Variants in RBFOX2 observed in about 807,000 individuals in gnomAD.
RBFOX2 encodes the protein RNA binding protein fox-1 homolog 2.
Under a neutral mutation model 49.1 loss-of-function variants are expected in RBFOX2, and 10 were observed. The observed-to-expected ratio is 0.20, with a 90% confidence interval of 0.13 to 0.35. The LOEUF is 0.35. Ranked by LOEUF, RBFOX2 falls within the 10% of genes least tolerant of loss-of-function variation. The pLI, the probability that RBFOX2 is intolerant of heterozygous loss-of-function variation, is 1.00. For missense variants in RBFOX2, 323 were observed against 486.9 expected (o/e 0.66, Z 3.17); for synonymous variants, 183 against 187.4 (o/e 0.98, Z 0.19).
At chr22:35,811,335 G>A (rs1951827397) in intron 1 of RBFOX2, among the ~76,000 whole-genome samples, 1 of 152,086 alleles carries the variant, frequency 6.6e-6, no homozygotes, top group African/African-American at 2.4e-5. Flanking sequence ...CTTTAAAAAG[G>A]TAATTAAAGT....
chr22:35,935,021 A>G (rs898423844), intron 1 of RBFOX2, among the ~76,000 whole-genome samples: 3 of 152,072 alleles, frequency 2.0e-5, no homozygotes, highest in Non-Finnish European at 4.4e-5. Flanking sequence ...CACAGCCTCA[A>G]TCTCCCAGGT....
intron 1 of RBFOX2, among the ~76,000 whole-genome samples, chr22:35,906,995 T>C (rs1233129720): frequency 6.6e-6 from 1 of 152,186 alleles, no homozygotes; most frequent in Non-Finnish European, 1.5e-5. Flanking sequence ...TAAAAGTATA[T>C]ACATTTCAAG....
intron 6 of RBFOX2, among the ~76,000 whole-genome samples, chr22:35,764,091 G>A (rs1939974255): frequency 6.6e-6 from 1 of 152,146 alleles, no homozygotes; most frequent in African/African-American, 2.4e-5. Flanking sequence ...TAAAGTGGGA[G>A]GCAGTGGTAT....
chr22:35,971,319 A>G lies in RBFOX2; in HGVS notation c.187-32422T>C, dbSNP rs117330094. Among the ~76,000 whole-genome samples the G allele has an allele frequency of 3.0e-3, 462 of 152,322 alleles. 22 individuals are homozygous for G. In the East Asian group the frequency reaches 0.077, roughly 25 times the overall value. ...TTTACAATGTAAATAAACCATCCCC[A>G]TGCAATGTTATATTTTGAACCATTC... On this transcript the variant is annotated intron_variant, in intron 1 of 13. Transcript: ENST00000438146.
chr22:35,746,018 G>C, intron 10 of RBFOX2, 23 bp from the exon 13 acceptor site: 2 of 1,584,186 alleles, frequency 1.3e-6, no homozygotes, highest in Non-Finnish European at 1.7e-6. Context: ...AACACAATCA[G>C]ACAGATAAAG....
intron 2 of RBFOX2, among the ~76,000 whole-genome samples, chr22:35,799,726 T>G (rs532528664): frequency 6.6e-6 from 1 of 152,056 alleles, no homozygotes; most frequent in Non-Finnish European, 1.5e-5. Flanking sequence ...GGTGGGAGAA[T>G]TGCTTGAGCC....
chr22:35,911,796 G>A (rs1380054908), intron 1 of RBFOX2, among the ~76,000 whole-genome samples: 2 of 151,996 alleles, frequency 1.3e-5, no homozygotes, highest in East Asian at 3.9e-4. Context: ...TTCACTAGCA[G>A]TGGCATGACC....
intron 1 of RBFOX2, among the ~76,000 whole-genome samples, chr22:35,887,394 T>G (rs2149341518): frequency 6.6e-6 from 1 of 152,270 alleles, no homozygotes; most frequent in Non-Finnish European, 1.5e-5. Flanking sequence ...CTGGAGGTCA[T>G]GGGCTATTCT....
intron 1 of RBFOX2, among the ~76,000 whole-genome samples, chr22:35,971,047 T>C (rs2056842822): frequency 6.6e-6 from 1 of 151,950 alleles, no homozygotes; most frequent in Admixed American, 6.6e-5. Context: ...AAAAGAACAA[T>C]TCATAGTGCC....
chr22:35,814,478 G>A (rs1399186013), intron 1 of RBFOX2, among the ~76,000 whole-genome samples: 1 of 151,956 alleles, frequency 6.6e-6, no homozygotes, highest in African/African-American at 2.4e-5. Context: ...GGAGGCTGAG[G>A]AGGGAGGATC....
At chr22:35,945,344 T>TA (rs1401840106) in intron 1 of RBFOX2, among the ~76,000 whole-genome samples, 1 of 152,002 alleles carries the variant, frequency 6.6e-6, no homozygotes, top group Non-Finnish European at 1.5e-5. Context: ...AATTGGGACA[T>TA]AAAAGGAATG....
At chr22:35,892,109 T>C (rs2047315092) in intron 1 of RBFOX2, among the ~76,000 whole-genome samples, 1 of 152,226 alleles carries the variant, frequency 6.6e-6, no homozygotes, top group Admixed American at 6.5e-5. Context: ...GTACTAGTTA[T>C]TTACTGAGCA....
At chr22:36,010,689 A>T (rs561150854) in intron 1 of RBFOX2, among the ~76,000 whole-genome samples, 22 of 151,652 alleles carry the variant, frequency 1.5e-4, no homozygotes, top group African/African-American at 5.3e-4. Context: ...TAAGTTTGAT[A>T]TCATTAACTC....
intron 1 of RBFOX2, among the ~76,000 whole-genome samples, chr22:35,918,872 T>C (rs1394770864): frequency 6.6e-6 from 1 of 152,220 alleles, no homozygotes; most frequent in Non-Finnish European, 1.5e-5. Context: ...CTGATAGCCT[T>C]GGTTTTCATA....
At chr22:35,994,080 C>T (rs977886512) in intron 1 of RBFOX2, 1 of 152,020 alleles carries the variant, frequency 6.6e-6, no homozygotes, top group Non-Finnish European at 1.5e-5. Context: ...ATTGTAGTAA[C>T]TTCCCCTTCT....
chr22:35,742,936 T>C (rs573832868), exon 12 of RBFOX2: 2 of 152,994 alleles, frequency 1.3e-5, no homozygotes, highest in Non-Finnish European at 2.9e-5. Flanking sequence ...CTCAGCGGGA[T>C]AGCCACAGGC....
chr22:35,760,837 C>T (rs2146324809), intron 8 of RBFOX2, among the ~76,000 whole-genome samples: 3 of 152,326 alleles, frequency 2.0e-5, no homozygotes, highest in Middle Eastern at 6.8e-3. Context: ...ATCAATAATA[C>T]TGGAAGTACT....
exon 1 of RBFOX2, chr22:35,840,539 C>T: frequency 4.9e-6 from 6 of 1,214,148 alleles, no homozygotes; most frequent in Non-Finnish European, 6.2e-6. Flanking sequence ...CCCACCCCCT[C>T]CCAGCAGGCT....
intron 1 of RBFOX2, among the ~76,000 whole-genome samples, chr22:35,902,011 C>CA (rs747632298): frequency 4.6e-5 from 7 of 151,900 alleles, no homozygotes; most frequent in Non-Finnish European, 7.4e-5. Flanking sequence ...ACCCTAGAGG[C>CA]AGAGGTTGCA....
Sources: gnomAD v4.1 joint callset for allele counts (sites outside exome capture counted in the v4.1 genomes callset) on GRCh38, gnomAD v4.1.1 for gene constraint, MANE v1.5 for transcripts, NCBI Gene and HGNC (gene_info 2026-07-23, HGNC 2026-07-21) for gene names.